SMOC2: variants seen among roughly 807,000 people sequenced by gnomAD.
SMOC2 encodes SPARC related modular calcium binding 2.
A neutral mutation model predicts 61.4 loss-of-function variants in SMOC2; 39 were observed. The observed-to-expected ratio is 0.64, with a 90% CI of 0.49 to 0.83. The LOEUF (loss-of-function observed/expected upper bound fraction) is 0.83. Among genes scored for constraint, SMOC2 ranks in the 40% least tolerant of loss-of-function variants. The pLI, the probability that SMOC2 is intolerant of heterozygous loss-of-function variation, is 0.00. For missense variants in SMOC2, 556 were observed against 592.9 expected, an observed-to-expected ratio of 0.94 and a Z score of 0.65; for synonymous variants, 247 against 239.9, an observed-to-expected ratio of 1.03 and a Z score of -0.27.
At chr6:168,446,361 T>C (rs922773388) in intron 1 of SMOC2, among the ~76,000 whole-genome samples, 1 of 152,206 alleles carries the variant, frequency 6.6e-6, no homozygotes, top group African/African-American at 2.4e-5. Context: ...AGACTCTGTC[T>C]CAAAAACAAA....
At chr6:168,498,434 C>T (rs1782644358) in intron 1 of SMOC2, among the ~76,000 whole-genome samples, 1 of 151,664 alleles carries the variant, frequency 6.6e-6, no homozygotes, top group Admixed American at 6.6e-5. Flanking sequence ...GGCTGTCCGG[C>T]GGGTAGTTTA....
In SMOC2 at chr6:168,521,731, A is replaced by G. The variant is rs371461254; in HGVS notation, c.257-4615A>G. Among the ~76,000 whole-genome samples the G allele has an allele frequency of 1.5e-4, 23 of 152,114 alleles. No homozygotes were observed. The East Asian group carries it at 4.1e-3, about 27-fold the overall frequency. On this transcript the variant is annotated intron_variant, in intron 2 of 12. Transcript: ENST00000356284. ...TACCCCATCTCTACGAAAATTAAAA[A>G]ATTTGCCAGTCGTGGTGCCTGTCTT... is the stretch of plus-strand genomic sequence containing the variant.
chr6:168,613,942 G>A (rs796864953), intron 9 of SMOC2, among the ~76,000 whole-genome samples: 4,719 of 46,662 alleles, frequency 0.1, 11 homozygotes, highest in Middle Eastern at 0.16. Flanking sequence ...GCCAGCACAG[G>A]GCCTCTTCAC....
chr6:168,519,085 ATG>A (rs1169706157), intron 2 of SMOC2, among the ~76,000 whole-genome samples: 10 of 130,124 alleles, frequency 7.7e-5, no homozygotes, highest in African/African-American at 2.4e-4. Flanking sequence ...GTATGCGTGC[ATG>A]TGTGAACATG....
intron 7 of SMOC2, among the ~76,000 whole-genome samples, chr6:168,585,644 G>T (rs985694444): frequency 6.6e-6 from 1 of 152,226 alleles, no homozygotes; most frequent in Non-Finnish European, 1.5e-5. Context: ...GCCTCCCACT[G>T]CTCCTCAGCT....
chr6:168,447,777 G>A (rs1420077678), intron 1 of SMOC2, among the ~76,000 whole-genome samples: 2 of 150,994 alleles, frequency 1.3e-5, no homozygotes, highest in Admixed American at 6.6e-5. Flanking sequence ...TTTGGATACC[G>A]AGTCTGCTGG....
At chr6:168,607,110 A>C (rs1197262504) in intron 8 of SMOC2, among the ~76,000 whole-genome samples, 1 of 151,972 alleles carries the variant, frequency 6.6e-6, no homozygotes, top group Non-Finnish European at 1.5e-5. Context: ...CGTCTCCTTC[A>C]TGCTGGTGAG....
chr6:168,500,042 C>T (rs1782686270), intron 1 of SMOC2, among the ~76,000 whole-genome samples: 1 of 152,094 alleles, frequency 6.6e-6, no homozygotes. Context: ...TGCAGTGGCT[C>T]ATGCCTGTAA....
At chr6:168,496,545 C>T (rs1270833018) in intron 1 of SMOC2, among the ~76,000 whole-genome samples, 1 of 152,224 alleles carries the variant, frequency 6.6e-6, no homozygotes, top group Admixed American at 6.5e-5. Context: ...GGTGGAGTTG[C>T]AGACGGGACC....
At chr6:168,485,985 T>C (rs1348167731) in intron 1 of SMOC2, among the ~76,000 whole-genome samples, 1 of 152,208 alleles carries the variant, frequency 6.6e-6, no homozygotes, top group Non-Finnish European at 1.5e-5. Flanking sequence ...CAGAAAATGG[T>C]GAGAAATAGG....
intron 7 of SMOC2, among the ~76,000 whole-genome samples, chr6:168,594,008 G>A (rs1305304469): frequency 1.0e-4 from 3 of 29,612 alleles, no homozygotes; most frequent in Middle Eastern, 0.038. Flanking sequence ...AGGCCTCACG[G>A]GCATCTTTCT....
At chr6:168,626,494 C>G (rs1786413553) in intron 9 of SMOC2, among the ~76,000 whole-genome samples, 2 of 152,170 alleles carry the variant, frequency 1.3e-5, no homozygotes, top group Non-Finnish European at 2.9e-5. Context: ...ACAGGAACAC[C>G]TGGCCGTGGC....
intron 2 of SMOC2, among the ~76,000 whole-genome samples, chr6:168,515,207 A>C (rs1353843706): frequency 6.6e-6 from 1 of 152,206 alleles, no homozygotes; most frequent in African/African-American, 2.4e-5. Context: ...AGTAGGCAAA[A>C]ATAAAATGGA....
At chr6:168,489,892 C>T (rs942193950) in intron 1 of SMOC2, among the ~76,000 whole-genome samples, 5 of 149,714 alleles carry the variant, frequency 3.3e-5, no homozygotes, top group East Asian at 2.0e-4. Context: ...TGAAATATAT[C>T]GAATCGTCTG....
chr6:168,623,017 T>A (rs1301478513), intron 9 of SMOC2, among the ~76,000 whole-genome samples: 1 of 152,202 alleles, frequency 6.6e-6, no homozygotes, highest in Non-Finnish European at 1.5e-5. Context: ...GAAGCCCCTC[T>A]GGGTAGGGGA....
At chr6:168,483,812 G>T (rs1230743752) in intron 1 of SMOC2, among the ~76,000 whole-genome samples, 1 of 152,096 alleles carries the variant, frequency 6.6e-6, no homozygotes, top group Admixed American at 6.5e-5. Flanking sequence ...AATGATTTTT[G>T]ACAAGAGTTC....
chr6:168,533,958 CT>C (rs1484909518), intron 4 of SMOC2, among the ~76,000 whole-genome samples: 1 of 152,118 alleles, frequency 6.6e-6, no homozygotes, highest in East Asian at 1.9e-4. Flanking sequence ...GTTTAAAATA[CT>C]TGTAGGCAGG....
At chr6:168,522,782 G>T (rs376490708) in intron 2 of SMOC2, among the ~76,000 whole-genome samples, 4 of 152,324 alleles carry the variant, frequency 2.6e-5, no homozygotes, top group South Asian at 2.1e-4. Context: ...AAAACATCAG[G>T]CTAAGTGGAG....
chr6:168,443,760 C>T (rs895638253), intron 1 of SMOC2, among the ~76,000 whole-genome samples: 16 of 152,172 alleles, frequency 1.1e-4, no homozygotes, highest in African/African-American at 3.6e-4. Flanking sequence ...CCTTCTCTCC[C>T]TACGATTTGC....
Sources: gnomAD v4.1 joint callset for allele counts (sites outside exome capture counted in the v4.1 genomes callset) on GRCh38, gnomAD v4.1.1 for gene constraint, MANE v1.5 for transcripts, NCBI Gene and HGNC (gene_info 2026-07-23, HGNC 2026-07-21) for gene names.